TEX11: variants seen among roughly 807,000 people sequenced by gnomAD.
TEX11 encodes testis-expressed protein 11.
Under a neutral mutation model 84.4 loss-of-function variants are expected in TEX11, and 7 were observed. The ratio of observed to expected loss-of-function variants is 0.08; its 90% CI spans 0.05 to 0.16. The LOEUF is 0.16. Ranked by LOEUF, TEX11 falls within the 10% of genes least tolerant of loss-of-function variation. The pLI is 1.00. For synonymous variants in TEX11, 264 were observed against 222.8 expected (o/e 1.18, Z -1.64); for missense variants, 551 against 660.5 (o/e 0.83, Z 1.82).
chrX:70,878,836 G>T lies in TEX11; in HGVS notation c.159+1152C>A, dbSNP rs183998548. Among the ~76,000 whole-genome samples the T allele has an allele frequency of 7.8e-4, 86 of 110,747 alleles. 1 individual carries two copies. In the Admixed American group the frequency reaches 8.3e-3, roughly 11 times the overall value. On this transcript the variant is annotated intron_variant, in intron 3 of 29. Coordinates refer to ENST00000374333, the MANE Select transcript of TEX11 (RefSeq NM_031276.3). ...AATCTGTACATGAGTATTTATAGCA[G>T]CATTATTCATAATAGCCAAAAGGTG...
At chrX:70,700,227 A>C (rs1224401240) in intron 13 of TEX11, among the ~76,000 whole-genome samples, 6 of 111,046 alleles carry the variant, frequency 5.4e-5, no homozygotes, top group Non-Finnish European at 1.1e-4. Flanking sequence ...CCTCCTGAGT[A>C]GTCTCAGCCT....
chrX:70,544,721 C>T (rs776944758), intron 28 of TEX11, among the ~76,000 whole-genome samples: 1 of 108,060 alleles, frequency 9.3e-6, no homozygotes, highest in African/African-American at 3.4e-5. Flanking sequence ...CGCCTGTAAT[C>T]CCAGCTACTT....
In TEX11 at chrX:70,601,743, C is replaced by G. The variant is rs751724349; in HGVS notation, c.2067+3658G>C. On this transcript the variant is annotated intron_variant, in intron 24 of 29. Coordinates refer to ENST00000374333, the MANE Select transcript of TEX11 (RefSeq NM_031276.3). ...ATTAGGGAGTGGTGATGACTCTTAA[C>G]GAGCATGCTGCCTTCAAGCATCTGT... 6.6e-3 allele frequency among the ~76,000 whole-genome samples: 641 copies of G among 96,938 alleles called. 7 individuals carry two copies. Among genetic ancestry groups the G allele is most frequent in the African/African-American group, 0.023 (614 of 26,294 alleles). The allele number at this position is 96,938 out of a possible 115,157, so 84.2% of individuals were successfully genotyped here.
chrX:70,661,387 C>T (rs1444075131), intron 16 of TEX11, among the ~76,000 whole-genome samples: 1 of 112,527 alleles, frequency 8.9e-6, no homozygotes, highest in Non-Finnish European at 1.9e-5. Flanking sequence ...GAAGCTCGAA[C>T]TGGGTGGAGC....
chrX:70,525,961 GGGGTCA>G (rs1309850420), downstream of TEX11, among the ~76,000 whole-genome samples: 164 of 111,394 alleles, frequency 1.5e-3, no homozygotes, highest in African/African-American at 5.2e-3. Flanking sequence ...CGGCGCGGCG[GGGGTCA>G]GGGTCAGGGC....
At chrX:70,636,457 C>T (rs751697817) in intron 17 of TEX11, among the ~76,000 whole-genome samples, 2 of 111,055 alleles carry the variant, frequency 1.8e-5, no homozygotes, top group Non-Finnish European at 3.8e-5. Flanking sequence ...TAAAACCACC[C>T]CTACAAACCA....
intron 7 of TEX11, among the ~76,000 whole-genome samples, chrX:70,849,099 A>G (rs1457011005): frequency 3.6e-5 from 4 of 112,475 alleles, no homozygotes; most frequent in African/African-American, 1.3e-4. Context: ...ATAGGGATTG[A>G]GGAAAAATAA....
intron 10 of TEX11, among the ~76,000 whole-genome samples, chrX:70,741,389 G>A (rs1415895601): frequency 9.0e-6 from 1 of 111,636 alleles, no homozygotes; most frequent in Non-Finnish European, 1.9e-5. Flanking sequence ...AAATAATCTA[G>A]AGTAGTAAAA....
intron 24 of TEX11, among the ~76,000 whole-genome samples, chrX:70,597,939 T>G (rs996224459): frequency 7.1e-5 from 8 of 111,948 alleles, no homozygotes; most frequent in African/African-American, 2.3e-4. Flanking sequence ...TGAAGCACTT[T>G]GGAAGGCCGA....
At chrX:70,801,000 T>C (rs1014620146) in intron 9 of TEX11, among the ~76,000 whole-genome samples, 1 of 111,898 alleles carries the variant, frequency 8.9e-6, no homozygotes, top group Admixed American at 9.5e-5. Context: ...TTTTTTCTTA[T>C]ACATAGCAAT....
At chrX:70,720,638 T>C (rs901073776) in intron 13 of TEX11, among the ~76,000 whole-genome samples, 2 of 110,144 alleles carry the variant, frequency 1.8e-5, no homozygotes, top group Non-Finnish European at 3.8e-5. Context: ...AATATATAAC[T>C]ACATAACTGC....
intron 15 of TEX11, 86 bp from the exon 16 acceptor site, chrX:70,670,600 C>T: frequency 9.6e-7 from 1 of 1,037,656 alleles, no homozygotes; most frequent in Non-Finnish European, 1.3e-6. Context: ...ATAAAAGATG[C>T]TGTTGGTTTC....
intron 9 of TEX11, among the ~76,000 whole-genome samples, chrX:70,757,830 T>C (rs1284163295): frequency 1.8e-5 from 2 of 111,129 alleles, no homozygotes; most frequent in African/African-American, 6.6e-5. Context: ...GACTGGCAAA[T>C]TGGATAAAGA....
At chrX:70,813,117 T>C (rs2091266889) in intron 8 of TEX11, among the ~76,000 whole-genome samples, 1 of 110,294 alleles carries the variant, frequency 9.1e-6, no homozygotes, top group South Asian at 3.8e-4. Context: ...ATCATCCTGA[T>C]ACCAAAGCCT....
At position 70,725,357 on chromosome X, in the gene TEX11, A is replaced by G; in HGVS notation, c.844-14T>C. On this transcript the variant is annotated splice_polypyrimidine_tract_variant and intron_variant, in intron 11 of 29. Coordinates refer to ENST00000374333, the MANE Select transcript of TEX11 (RefSeq NM_031276.3). ...ACTTAAATGTTCCTATTTTAAACAA[A>G]GAAATCACAATGATATTAAAATTGT... 1 of 1,096,390 alleles carries G rather than the reference A, an allele frequency of 9.1e-7. No individual in the cohort carries two copies. Among genetic ancestry groups the G allele is most frequent in the East Asian group, 3.0e-5 (1 of 33,166 alleles). The allele number at this position is 1,096,390 out of a possible 1,213,427, so 90.4% of individuals were successfully genotyped here. A position where few individuals can be genotyped will look rare whatever the true frequency, so the allele number is the denominator to read the frequency against.
chrX:70,839,921 G>C lies in TEX11; in HGVS notation c.526-6328C>G, dbSNP rs2091431859. On this transcript the variant is annotated intron_variant, in intron 7 of 29. Transcript: ENST00000374333. The stretch of plus-strand genomic sequence containing the variant: ...AAGATGAAATGAAGCGAGAAGAGAA[G>C]TTTAGAGAAAAAAGAATAAAAAGAA... Among the ~76,000 whole-genome samples the C allele has an allele frequency of 2.7e-5, 3 of 111,145 alleles. No individual in the cohort carries two copies. In the Admixed American group the frequency reaches 2.9e-4, roughly 11 times the overall value.
At chrX:70,644,476 C>G (rs1264689008) in intron 17 of TEX11, among the ~76,000 whole-genome samples, 2 of 107,920 alleles carry the variant, frequency 1.9e-5, no homozygotes, top group African/African-American at 6.8e-5. Flanking sequence ...TGCACACGTA[C>G]GTTTATTGCG....
At chrX:70,687,967 GA>G (rs1018585619) in intron 13 of TEX11, among the ~76,000 whole-genome samples, 30 of 108,011 alleles carry the variant, frequency 2.8e-4, no homozygotes, top group Non-Finnish European at 3.7e-4. Flanking sequence ...AAAACAGACT[GA>G]AAAAAAAACT....
intron 8 of TEX11, among the ~76,000 whole-genome samples, chrX:70,822,301 T>A (rs1394318822): frequency 9.0e-6 from 1 of 111,323 alleles, no homozygotes; most frequent in Non-Finnish European, 1.9e-5. Flanking sequence ...GAGGGCTAAC[T>A]GTATGTATGC....
Sources: gnomAD v4.1 joint callset for allele counts (sites outside exome capture counted in the v4.1 genomes callset) on GRCh38, gnomAD v4.1.1 for gene constraint, MANE v1.5 for transcripts, NCBI Gene and HGNC (gene_info 2026-07-23, HGNC 2026-07-21) for gene names.